ACTR3C: variants seen among roughly 807,000 people sequenced by gnomAD.
ACTR3C encodes the protein actin-related protein 3C.
ACTR3C carries 18 observed loss-of-function variants against 26.3 expected under a neutral mutation model. The ratio of observed to expected loss-of-function variants is 0.68; its 90% CI spans 0.47 to 1.01. ACTR3C has a LOEUF of 1.01. Ranked by LOEUF, ACTR3C falls within the 50% of genes least tolerant of loss-of-function variation. The probability of loss-of-function intolerance (pLI) is 0.00; values close to 1 mark genes in which losing one functional copy is unlikely to be tolerated. For missense variants in ACTR3C, 184 were observed against 250.7 expected, an observed-to-expected ratio of 0.73 and a Z score of 1.80; for synonymous variants, 55 against 94.5, an observed-to-expected ratio of 0.58 and a Z score of 2.42.
At chr7:150,245,830 C>T (rs1167941015), downstream of ACTR3C, 1 of 152,188 alleles carries the variant, frequency 6.6e-6, no homozygotes, top group East Asian at 1.9e-4. Context: ...GAAGATCCCA[C>T]AGAGGAAAAG....
the ACTR3C span, among the ~76,000 whole-genome samples, chr7:150,095,271 G>A: frequency 1.4e-4 from 21 of 149,668 alleles, 1 homozygote; most frequent in Non-Finnish European, 2.5e-4. Context: ...AAACCACCAA[G>A]CGTTCGACCT....
chr7:150,059,203 G>A, the ACTR3C span, among the ~76,000 whole-genome samples: 1 of 152,226 alleles, frequency 6.6e-6, no homozygotes, highest in East Asian at 1.9e-4. Flanking sequence ...CATGCTAAGA[G>A]AGGCCAATCC....
the ACTR3C span, among the ~76,000 whole-genome samples, chr7:150,037,002 C>T: frequency 4.5e-4 from 32 of 70,440 alleles, no homozygotes; most frequent in Non-Finnish European, 5.4e-4. Context: ...CTCCGCCCCC[C>T]TGCGATGGGG....
chr7:150,290,855 T>C (rs190443147), intron 3 of ACTR3C, among the ~76,000 whole-genome samples: 500 of 152,370 alleles, frequency 3.3e-3, no homozygotes, highest in Non-Finnish European at 6.0e-3. Flanking sequence ...GCATTACACA[T>C]AATATTTTCT....
the ACTR3C span, among the ~76,000 whole-genome samples, chr7:150,110,941 G>A: frequency 7.5e-6 from 1 of 133,426 alleles, no homozygotes; most frequent in Non-Finnish European, 1.6e-5. Context: ...ACATTGGAGA[G>A]AGGGCCCCCT....
the ACTR3C span, among the ~76,000 whole-genome samples, chr7:150,014,810 G>A: frequency 3.9e-5 from 6 of 152,252 alleles, no homozygotes; most frequent in South Asian, 8.3e-4. Context: ...TGAAATGATT[G>A]TGTTGTTGAA....
At chr7:149,900,947 C>T in the ACTR3C span, among the ~76,000 whole-genome samples, 5 of 152,202 alleles carry the variant, frequency 3.3e-5, no homozygotes, top group East Asian at 1.9e-4. Flanking sequence ...GCAGGAGAAT[C>T]GCTTGAACTC....
At chr7:149,885,809 CG>C in the ACTR3C span, among the ~76,000 whole-genome samples, 1 of 152,240 alleles carries the variant, frequency 6.6e-6, no homozygotes, top group African/African-American at 2.4e-5. Context: ...GGCCCTTGGC[CG>C]GCAGCAATTG....
the ACTR3C span, among the ~76,000 whole-genome samples, chr7:149,905,049 AAAT>A: frequency 2.0e-5 from 3 of 151,570 alleles, no homozygotes; most frequent in Non-Finnish European, 4.4e-5. Flanking sequence ...ATAAAAATAA[AAAT>A]AATAATAATA....
chr7:150,100,893 C>T, the ACTR3C span, among the ~76,000 whole-genome samples: 1 of 151,480 alleles, frequency 6.6e-6, no homozygotes, highest in Non-Finnish European at 1.5e-5. Flanking sequence ...CTAGTAGAGA[C>T]AGCATCTCAC....
chr7:150,056,336 A>C, the ACTR3C span, among the ~76,000 whole-genome samples: 1 of 152,206 alleles, frequency 6.6e-6, no homozygotes, highest in Non-Finnish European at 1.5e-5. Context: ...ATTAGGAGCA[A>C]TAAAACTGAA....
intron 1 of ACTR3C, 34 bp from the exon 2 acceptor site, chr7:150,295,381 C>T (rs746406294): frequency 6.2e-7 from 1 of 1,601,112 alleles, no homozygotes; most frequent in Non-Finnish European, 8.6e-7. Context: ...TTAGTGTTTA[C>T]CCAAATTTCA....
chr7:150,072,688 G>A, the ACTR3C span, among the ~76,000 whole-genome samples: 1 of 152,104 alleles, frequency 6.6e-6, no homozygotes, highest in Non-Finnish European at 1.5e-5. Context: ...AGTAAGACTG[G>A]GAAATAAACT....
At chr7:150,303,811 A>G (rs1795612995) in intron 1 of ACTR3C, among the ~76,000 whole-genome samples, 1 of 152,396 alleles carries the variant, frequency 6.6e-6, no homozygotes, top group Middle Eastern at 3.4e-3. Flanking sequence ...CAAGTGCAGC[A>G]GTGAGAAGAA....
At chr7:150,112,267 A>G in the ACTR3C span, among the ~76,000 whole-genome samples, 1 of 152,112 alleles carries the variant, frequency 6.6e-6, no homozygotes, top group Admixed American at 6.5e-5. Flanking sequence ...CCTCTCCCTC[A>G]AAAAAGGGTG....
chr7:150,108,115 G>A, the ACTR3C span, among the ~76,000 whole-genome samples: 3 of 150,362 alleles, frequency 2.0e-5, no homozygotes, highest in Admixed American at 2.0e-4. Flanking sequence ...TTAGATGCTG[G>A]AGAGGAGAAC....
At chr7:150,198,528 C>G in the ACTR3C span, among the ~76,000 whole-genome samples, 1 of 144,984 alleles carries the variant, frequency 6.9e-6, no homozygotes, top group Non-Finnish European at 1.5e-5. Flanking sequence ...CGCCTCTGCC[C>G]GGCCGAGACC....
chr7:149,891,581 T>G, the ACTR3C span, among the ~76,000 whole-genome samples: 1 of 151,480 alleles, frequency 6.6e-6, no homozygotes. Context: ...ATCCAACGCT[T>G]TGGGAGGCCA....
At chr7:150,297,851 CAAAAAAAAA>C (rs35970305) in intron 1 of ACTR3C, among the ~76,000 whole-genome samples, 1 of 87,164 alleles carries the variant, frequency 1.1e-5, no homozygotes, top group Admixed American at 1.1e-4. Context: ...GACTCCGTCT[CAAAAAAAAA>C]AAAAAAAAAA....
Sources: gnomAD v4.1 joint callset for allele counts (sites outside exome capture counted in the v4.1 genomes callset) on GRCh38, gnomAD v4.1.1 for gene constraint, MANE v1.5 for transcripts, NCBI Gene and HGNC (gene_info 2026-07-23, HGNC 2026-07-21) for gene names.